PCSK5: variants seen among roughly 807,000 people sequenced by gnomAD.
PCSK5 encodes proprotein convertase subtilisin/kexin type 5, also known as prohormone convertase 5.
A neutral mutation model predicts 233.2 loss-of-function variants in PCSK5; 129 were observed. That is an observed-to-expected ratio of 0.55 (90% confidence interval 0.48 to 0.64). The LOEUF is 0.64. Among genes scored for constraint, PCSK5 ranks in the 30% least tolerant of loss-of-function variants. The pLI is 0.00. For synonymous variants in PCSK5, 825 were observed against 879.2 expected (o/e 0.94, Z 1.09); for missense variants, 2,076 against 2,430.1 (o/e 0.85, Z 3.06).
intron 24 of PCSK5, among the ~76,000 whole-genome samples, chr9:76,258,394 G>A (rs968711406): frequency 1.3e-5 from 2 of 152,218 alleles, no homozygotes; most frequent in African/African-American, 4.8e-5. Context: ...GGTGAGTCTT[G>A]AGAGAGAAGG....
In PCSK5 at chr9:76,159,194, C is replaced by G. The variant is rs573295015; in HGVS notation, c.1619+23C>G. 8 of 1,608,546 alleles carry G rather than the reference C, an allele frequency of 5.0e-6. No individual in the cohort carries two copies. In the South Asian group the frequency reaches 5.5e-5, roughly 11 times the overall value. On this transcript the variant is annotated intron_variant, in intron 12 of 37. Transcript: ENST00000674117. ...CAGGTACAGCAGTGGTCTCTGCCCA[C>G]CAGTGTAGTAGTCACAGCGACACTC...
intron 9 of PCSK5, among the ~76,000 whole-genome samples, chr9:76,126,735 G>A (rs1434323562): frequency 1.3e-5 from 2 of 152,152 alleles, no homozygotes; most frequent in African/African-American, 4.8e-5. Flanking sequence ...GCTAAGTAAT[G>A]TGTGCACATG....
intron 24 of PCSK5, among the ~76,000 whole-genome samples, chr9:76,249,544 C>G (rs961592077): frequency 5.9e-5 from 9 of 152,128 alleles, no homozygotes; most frequent in African/African-American, 2.2e-4. Context: ...CTACAATACC[C>G]CAGCAGCAGT....
At chr9:76,023,017 T>C (rs900686462) in intron 3 of PCSK5, among the ~76,000 whole-genome samples, 4 of 152,208 alleles carry the variant, frequency 2.6e-5, no homozygotes, top group African/African-American at 4.8e-5. Context: ...GTGGTTCGAT[T>C]TGTAGCTGGA....
chr9:76,198,243 G>T (rs1490767896), intron 20 of PCSK5, among the ~76,000 whole-genome samples: 1 of 152,178 alleles, frequency 6.6e-6, no homozygotes, highest in Non-Finnish European at 1.5e-5. Flanking sequence ...GTTGGATCCA[G>T]TTGTGGTTTT....
At chr9:76,008,188 C>G (rs1207423231) in intron 3 of PCSK5, among the ~76,000 whole-genome samples, 2 of 152,090 alleles carry the variant, frequency 1.3e-5, no homozygotes, top group Non-Finnish European at 2.9e-5. Context: ...ACTTTCTGCT[C>G]TTGTGATCTC....
intron 32 of PCSK5, among the ~76,000 whole-genome samples, chr9:76,326,415 G>A (rs535073306): frequency 3.9e-5 from 6 of 151,906 alleles, no homozygotes; most frequent in African/African-American, 7.3e-5. Flanking sequence ...CTGTAAGCAG[G>A]ATCTTCTCTA....
At chr9:76,072,228 A>G (rs983763123) in intron 7 of PCSK5, among the ~76,000 whole-genome samples, 1 of 152,108 alleles carries the variant, frequency 6.6e-6, no homozygotes, top group Non-Finnish European at 1.5e-5. Context: ...GATATTTAAC[A>G]CTCTCCAGGT....
intron 34 of PCSK5, among the ~76,000 whole-genome samples, chr9:76,336,523 G>T (rs1424795354): frequency 6.6e-6 from 1 of 152,060 alleles, no homozygotes; most frequent in Non-Finnish European, 1.5e-5. Context: ...GCACTATTTT[G>T]TTGTAGCGTT....
chr9:76,175,481 A>T (rs1823570708), intron 14 of PCSK5: 1 of 375,032 alleles, frequency 2.7e-6, no homozygotes, highest in African/African-American at 2.1e-5. Context: ...TAATATAGTT[A>T]ATCTGTAATC....
intron 3 of PCSK5, among the ~76,000 whole-genome samples, chr9:76,001,755 AG>A (rs1827271766): frequency 6.6e-6 from 1 of 152,180 alleles, no homozygotes; most frequent in Non-Finnish European, 1.5e-5. Flanking sequence ...ATTCTTTATT[AG>A]TCTGAAAGAT....
At chr9:75,953,820 GA>G (rs374930773) in intron 2 of PCSK5, among the ~76,000 whole-genome samples, 6,008 of 148,162 alleles carry the variant, frequency 0.041, 168 homozygotes, top group Middle Eastern at 0.069. Context: ...CTTAGTAAAA[GA>G]AAAAAAAAAT....
chr9:76,039,763 A>G (rs188348869), intron 5 of PCSK5, among the ~76,000 whole-genome samples: 3 of 152,290 alleles, frequency 2.0e-5, no homozygotes, highest in African/African-American at 2.4e-5. Context: ...AGCTTGGTAT[A>G]TGATTTGGGT....
At chr9:76,250,121 A>G (rs867418135) in intron 24 of PCSK5, among the ~76,000 whole-genome samples, 2 of 152,212 alleles carry the variant, frequency 1.3e-5, no homozygotes, top group African/African-American at 4.8e-5. Flanking sequence ...CCTGGCCAAC[A>G]TGGTGAAACC....
intron 20 of PCSK5, among the ~76,000 whole-genome samples, chr9:76,203,221 C>T (rs1217058274): frequency 1.3e-5 from 2 of 151,964 alleles, no homozygotes; most frequent in African/African-American, 4.8e-5. Flanking sequence ...AAACCATTGG[C>T]ACAAACTCAT....
At position 76,301,993 on chromosome 9, in the gene PCSK5, C is replaced by T. The variant is rs372694747; in HGVS notation, c.3524-144C>T. 57 of 367,022 alleles carry T rather than the reference C, an allele frequency of 1.6e-4. No homozygotes were observed. In the East Asian group the frequency reaches 3.2e-3, roughly 21 times the overall value. 22.7% of individuals were successfully genotyped at this position (367,022 alleles called of 1,614,324 possible). The stretch of plus-strand genomic sequence containing the variant: ...CTATACATAGATGTAATTATACTCA[C>T]ACACTCAATATGAAGATGAGACATC... On this transcript the variant is annotated intron_variant, in intron 27 of 37. Transcript: ENST00000674117.
intron 22 of PCSK5, among the ~76,000 whole-genome samples, chr9:76,237,709 A>G (rs377531342): frequency 5.7e-4 from 87 of 152,190 alleles, no homozygotes; most frequent in African/African-American, 2.0e-3. Context: ...CCAGGAGAGG[A>G]GGTTGCAGTA....
intron 13 of PCSK5, among the ~76,000 whole-genome samples, chr9:76,173,760 G>C (rs1264354574): frequency 2.0e-5 from 3 of 151,672 alleles, no homozygotes; most frequent in Non-Finnish European, 4.4e-5. Flanking sequence ...ATCACCTGAG[G>C]TCAGGAGTTC....
At chr9:75,974,880 C>T (rs1417454075) in intron 2 of PCSK5, among the ~76,000 whole-genome samples, 1 of 152,180 alleles carries the variant, frequency 6.6e-6, no homozygotes, top group African/African-American at 2.4e-5. Flanking sequence ...AAACTTCACT[C>T]ATTTCCCTAA....
Sources: gnomAD v4.1 joint callset for allele counts (sites outside exome capture counted in the v4.1 genomes callset) on GRCh38, gnomAD v4.1.1 for gene constraint, MANE v1.5 for transcripts, NCBI Gene and HGNC (gene_info 2026-07-23, HGNC 2026-07-21) for gene names.